ST18: variants seen among roughly 807,000 people sequenced by gnomAD.
ST18 encodes ST18 C2H2C-type zinc finger transcription factor.
ST18 carries 50 observed loss-of-function variants against 110.0 expected under a neutral mutation model. The observed-to-expected ratio is 0.45, with a 90% CI of 0.36 to 0.58. The LOEUF (loss-of-function observed/expected upper bound fraction) is 0.58. ST18 is among the 20% of genes least tolerant of loss of function. ST18 has a pLI of 0.00. For missense variants in ST18, 1,306 were observed against 1,280.1 expected, an observed-to-expected ratio of 1.02 and a Z score of -0.31; for synonymous variants, 461 against 452.4, an observed-to-expected ratio of 1.02 and a Z score of -0.24.
At chr8:52,138,790 T>A (rs1234804114) in intron 17 of ST18, among the ~76,000 whole-genome samples, 1 of 152,236 alleles carries the variant, frequency 6.6e-6, no homozygotes, top group Admixed American at 6.5e-5. Context: ...ACTACACCAG[T>A]CACGCATCTG....
rs1362018612 is a variant in ST18 at position 52,409,694 on chromosome 8, CCT to C, written c.-738_-737del. On this transcript the variant is annotated 5_prime_UTR_variant, in exon 1 of 26. An upstream open reading frame in the 5' UTR loses its in-frame stop. Coordinates refer to ENST00000689386, the MANE Select transcript of ST18 (RefSeq NM_001352837.2). The stretch of plus-strand genomic sequence containing the variant: ...TTTCTCTCCTTACCTCTAGTATTCC[CCT>C]GAGGTCACATTCAGTTAAAAACATC... 3 of 152,216 alleles carry C rather than the reference CCT, an allele frequency of 2.0e-5. No individual in the cohort carries two copies. 9.4% of individuals were successfully genotyped at this position (152,216 alleles called of 1,614,324 possible).
At chr8:52,333,834 T>TAA (rs1810772063) in intron 2 of ST18, among the ~76,000 whole-genome samples, 1 of 152,216 alleles carries the variant, frequency 6.6e-6, no homozygotes, top group Admixed American at 6.5e-5. Context: ...CACTTGTACA[T>TAA]GTATTGAGTA....
At chr8:52,379,417 A>G (rs1274477820) in intron 2 of ST18, among the ~76,000 whole-genome samples, 1 of 151,738 alleles carries the variant, frequency 6.6e-6, no homozygotes, top group Non-Finnish European at 1.5e-5. Context: ...TATTTCTAAG[A>G]CTCGCATCCA....
intron 16 of ST18, among the ~76,000 whole-genome samples, chr8:52,145,055 A>AT (rs11353171): frequency 0.012 from 1,683 of 143,138 alleles, 23 homozygotes; most frequent in African/African-American, 0.033. Context: ...TTAGATGCTG[A>AT]TTTTTTTTTT....
chr8:52,292,381 A>ATGTG (rs72283228), intron 2 of ST18, among the ~76,000 whole-genome samples: 6 of 150,878 alleles, frequency 4.0e-5, no homozygotes, highest in East Asian at 1.9e-4. Context: ...GCATGCATGT[A>ATGTG]TGTGTGTGTG....
rs1271309923 is a variant in ST18 at position 52,136,622 on chromosome 8, T to C, written c.2268A>G (p.Lys756=). The C allele has an allele frequency of 6.2e-7, 1 of 1,611,266 alleles. No homozygotes were observed. The highest frequency in any genetic ancestry group is 8.5e-7 in the Non-Finnish European group (1 of 1,179,010). Residue 756 remains lysine, a synonymous_variant, in exon 19 of 26, where the codon AAA becomes AAG. Coordinates refer to ENST00000689386, the MANE Select transcript of ST18 (RefSeq NM_001352837.2). The stretch of plus-strand genomic sequence containing the variant: ...CCTGAGAGTTGGCAGCCATGAGGGA[T>C]TTTAGAGTCTTATCTGCTAAAGGAC... ...SGCPLADKTL[K]SLMAANSQEL...
chr8:52,120,151 A>G (rs1330356940), intron 23 of ST18, among the ~76,000 whole-genome samples: 1 of 152,190 alleles, frequency 6.6e-6, no homozygotes, highest in African/African-American at 2.4e-5. Flanking sequence ...GTGTGCAGGT[A>G]CAGGGATCTC....
intron 22 of ST18, among the ~76,000 whole-genome samples, chr8:52,128,152 A>T (rs1039629792): frequency 6.6e-6 from 1 of 152,140 alleles, no homozygotes; most frequent in African/African-American, 2.4e-5. Flanking sequence ...TATTTTTAGT[A>T]GAGACGGGGT....
At chr8:52,331,457 C>T (rs1809358589) in intron 2 of ST18, among the ~76,000 whole-genome samples, 1 of 151,940 alleles carries the variant, frequency 6.6e-6, no homozygotes, top group Admixed American at 6.6e-5. Flanking sequence ...TTGTATAGGC[C>T]TATGCACACA....
chr8:52,365,048 A>C (rs1311591236), intron 2 of ST18, among the ~76,000 whole-genome samples: 1 of 151,814 alleles, frequency 6.6e-6, no homozygotes, highest in Non-Finnish European at 1.5e-5. Flanking sequence ...TCGGAGGCAG[A>C]GGTTGCAGTG....
intron 22 of ST18, among the ~76,000 whole-genome samples, chr8:52,128,714 C>A (rs1410170306): frequency 6.6e-6 from 1 of 152,062 alleles, no homozygotes; most frequent in Non-Finnish European, 1.5e-5. Context: ...ATGGTGAGGA[C>A]CCATCATTAA....
chr8:52,266,358 T>TG (rs1340644362), intron 2 of ST18, among the ~76,000 whole-genome samples: 1 of 152,066 alleles, frequency 6.6e-6, no homozygotes, highest in African/African-American at 2.4e-5. Flanking sequence ...CTGGAGATGT[T>TG]GTTTTGTGCT....
At position 52,409,616 on chromosome 8, in the gene ST18, A is replaced by T. The variant is rs906177687; in HGVS notation, c.-658T>A. On this transcript the variant is annotated 5_prime_UTR_variant, in exon 1 of 26. Transcript: ENST00000689386. ...CCAGCTTCTCTCTTCATGTGGCCTT[A>T]TTAAAAGCCATGGTTTCCGAGATGT... 3 of 152,202 alleles carry T rather than the reference A, an allele frequency of 2.0e-5. No individual in the cohort carries two copies. Among genetic ancestry groups the T allele is most frequent in the African/African-American group, 7.2e-5 (3 of 41,454 alleles). 9.4% of individuals were successfully genotyped at this position (152,202 alleles called of 1,614,324 possible).
chr8:52,157,117 A>G (rs1208535673), intron 15 of ST18, among the ~76,000 whole-genome samples: 2 of 152,212 alleles, frequency 1.3e-5, no homozygotes, highest in Non-Finnish European at 2.9e-5. Context: ...CTACTGTTTG[A>G]TTTTTTGAAA....
intron 2 of ST18, among the ~76,000 whole-genome samples, chr8:52,318,291 G>GAA (rs2096064866): frequency 1.3e-5 from 2 of 151,916 alleles, no homozygotes; most frequent in Non-Finnish European, 2.9e-5. Context: ...CAACAAACAT[G>GAA]AAAAAAAGCC....
intron 2 of ST18, among the ~76,000 whole-genome samples, chr8:52,385,087 C>T (rs149745904): frequency 1.3e-4 from 20 of 152,240 alleles, no homozygotes; most frequent in South Asian, 1.0e-3. Context: ...AAGACAGAAA[C>T]GTGAGACTCA....
At position 52,120,411 on chromosome 8, in the gene ST18, C is replaced by T. The variant is rs529452320; in HGVS notation, c.2756-1970G>A. Among the ~76,000 whole-genome samples, 8 of 152,268 alleles carry T rather than the reference C, an allele frequency of 5.3e-5. No individual in the cohort carries two copies. The East Asian group carries it at 1.5e-3, about 29-fold the overall frequency. On this transcript the variant is annotated intron_variant, in intron 23 of 25. Coordinates refer to ENST00000689386, the MANE Select transcript of ST18 (RefSeq NM_001352837.2). ...GAGGCAGACAAAAACCAAGGAGATGCTTGTAAAACATGAAGTGTTCTGAAG... is the reference window on the plus strand; with the variant it reads ...GAGGCAGACAAAAACCAAGGAGATGTTTGTAAAACATGAAGTGTTCTGAAG...
intron 8 of ST18, among the ~76,000 whole-genome samples, chr8:52,196,567 G>A (rs917619143): frequency 6.6e-6 from 1 of 152,094 alleles, no homozygotes; most frequent in Non-Finnish European, 1.5e-5. Context: ...AAATAGGTGA[G>A]TATAGGACAA....
At chr8:52,307,744 G>A (rs1233150647) in intron 2 of ST18, among the ~76,000 whole-genome samples, 4 of 152,194 alleles carry the variant, frequency 2.6e-5, no homozygotes, top group Non-Finnish European at 5.9e-5. Context: ...CTGTGTACAT[G>A]TGTCTGTATT....
Sources: allele counts gnomAD v4.1 joint callset (sites outside exome capture counted in the v4.1 genomes callset), GRCh38; gene constraint gnomAD v4.1.1; transcripts MANE v1.5; gene names NCBI Gene and HGNC (gene_info 2026-07-23, HGNC 2026-07-21).